ADRA1A: variants seen among roughly 807,000 people sequenced by gnomAD.
The protein encoded by ADRA1A is alpha-1A adrenergic receptor.
Under a neutral mutation model 29.6 loss-of-function variants are expected in ADRA1A, and 31 were observed. That is an observed-to-expected ratio of 1.05 (90% CI 0.79 to 1.41). The LOEUF (loss-of-function observed/expected upper bound fraction) is 1.41, where lower values mean the gene tolerates loss of function less well. Ranked by LOEUF, ADRA1A falls within the 40% of genes most tolerant of loss-of-function variation. The pLI, the probability that ADRA1A is intolerant of heterozygous loss-of-function variation, is 0.00. For synonymous variants in ADRA1A, 311 were observed against 254.3 expected (o/e 1.22, Z -2.12); for missense variants, 619 against 601.1 (o/e 1.03, Z -0.31).
intron 2 of ADRA1A, among the ~76,000 whole-genome samples, chr8:26,783,430 G>A (rs562274577): frequency 5.1e-4 from 77 of 152,264 alleles, no homozygotes; most frequent in Non-Finnish European, 5.7e-4. Flanking sequence ...GGGTTATAGT[G>A]GTTGAGATAT....
intron 2 of ADRA1A, among the ~76,000 whole-genome samples, chr8:26,780,167 C>T (rs28658238): frequency 0.14 from 20,902 of 152,128 alleles, 1,481 homozygotes; most frequent in Middle Eastern, 0.24. Flanking sequence ...TTCTTCATTC[C>T]TCATTCACTT....
rs1554512930 is a variant in ADRA1A, at chr8:26,854,432, G to GCGT, written c.883+9654_883+9655insACG. The GCGT allele has an allele frequency of 5.4e-4, 60 of 110,172 alleles. 2 individuals carry two copies. Among genetic ancestry groups the GCGT allele is most frequent in the African/African-American group, 2.1e-3 (59 of 28,268 alleles). The allele number at this position is 110,172 out of a possible 1,614,324, so 6.8% of individuals were successfully genotyped here. A position where few individuals can be genotyped will look rare whatever the true frequency, so the allele number is the denominator to read the frequency against. ...TGAAGTTAAAGCGGGGCGGGGGGGGGGAGCAGGCAGAGGTGCTTTCTCCCA... is the reference window on the plus strand; with the variant it reads ...TGAAGTTAAAGCGGGGCGGGGGGGGGCGTGAGCAGGCAGAGGTGCTTTCTCCCA... On this transcript the variant is annotated intron_variant, in intron 2 of 2. Transcript: ENST00000380573.
At chr8:26,779,227 C>A (rs1806773342) in intron 2 of ADRA1A, 2 of 685,846 alleles carry the variant, frequency 2.9e-6, no homozygotes, top group Non-Finnish European at 5.3e-6. Context: ...CAGTTCCTGC[C>A]AGAAGAATAT....
chr8:26,780,627 A>G (rs901961057), intron 2 of ADRA1A, among the ~76,000 whole-genome samples: 1 of 152,168 alleles, frequency 6.6e-6, no homozygotes, highest in African/African-American at 2.4e-5. Flanking sequence ...TCTTTATAGC[A>G]GGGAAACCCC....
rs938198660 is a variant in ADRA1A at position 26,806,411 on chromosome 8, A to G, written c.884-35745T>C. ...CTGTTAATAGTGGCCTTAGGTAAGG[A>G]AAAAAAAAGAGCATGATTCAAGTTT... On this transcript the variant is annotated intron_variant, in intron 2 of 2. Transcript: ENST00000380573. The surrounding 1 kb of genome is among the most constrained non-coding windows in gnomAD (Gnocchi z 4.6). 3.3e-5 allele frequency among the ~76,000 whole-genome samples: 5 copies of G among 151,172 alleles called. No individual in the cohort carries two copies. Among genetic ancestry groups the G allele is most frequent in the African/African-American group, 9.7e-5 (4 of 41,092 alleles).
Position 26,806,563 on chromosome 8 carries a change from G to A in ADRA1A, c.884-35897C>T, listed in dbSNP as rs554402850. The stretch of plus-strand genomic sequence containing the variant: ...AATCCAGATAGCAACTCATCACTAA[G>A]GAGGGCCACCATTAATTAGTGGGAA... On this transcript the variant is annotated intron_variant, in intron 2 of 2. Coordinates refer to ENST00000380573, the MANE Select transcript of ADRA1A (RefSeq NM_000680.4). This position sits in a 1 kb window ranked among gnomAD's most constrained non-coding sequence, Gnocchi z 4.6. Among the ~76,000 whole-genome samples the A allele has an allele frequency of 4.5e-4, 69 of 152,298 alleles. No individual in the cohort carries two copies. The highest frequency in any genetic ancestry group is 1.6e-3 in the African/African-American group (66 of 41,570).
chr8:26,858,912 C>G, intron 2 of ADRA1A: 1 of 443,340 alleles, frequency 2.3e-6, no homozygotes, highest in Middle Eastern at 3.9e-4. Context: ...TTCCTCCCAA[C>G]AGTCATGCTA....
At chr8:26,748,750 TAAAAA>T (rs35884587) in intron 2 of ADRA1A, 157 of 303,600 alleles carry the variant, frequency 5.2e-4, no homozygotes, top group East Asian at 1.1e-3. Flanking sequence ...AGACTTCGTC[TAAAAA>T]AAAAAAAAAA....
downstream of ADRA1A, among the ~76,000 whole-genome samples, chr8:26,752,303 G>A (rs1485302600): frequency 6.6e-6 from 1 of 152,208 alleles, no homozygotes; most frequent in Non-Finnish European, 1.5e-5. Flanking sequence ...ATAGTGGATT[G>A]GTTGGACCAG....
intron 2 of ADRA1A, among the ~76,000 whole-genome samples, chr8:26,820,253 C>A (rs191392072): frequency 1.3e-5 from 2 of 152,064 alleles, no homozygotes; most frequent in Non-Finnish European, 2.9e-5. Context: ...TGCTAACAGA[C>A]GTACAGAATA....
At chr8:26,842,131 T>C (rs907616353) in intron 2 of ADRA1A, among the ~76,000 whole-genome samples, 62 of 152,200 alleles carry the variant, frequency 4.1e-4, no homozygotes, top group Admixed American at 2.2e-3. Flanking sequence ...CAGAACATTC[T>C]GAGAGGATGG....
At chr8:26,855,116 AGGACACCAAG>A (rs949889505) in intron 2 of ADRA1A, among the ~76,000 whole-genome samples, 7 of 152,246 alleles carry the variant, frequency 4.6e-5, no homozygotes, top group Non-Finnish European at 8.8e-5. Flanking sequence ...TGAATGGACT[AGGACACCAAG>A]GCATCCAAGA....
At chr8:26,785,182 G>T (rs1443153913) in intron 2 of ADRA1A, among the ~76,000 whole-genome samples, 1 of 151,966 alleles carries the variant, frequency 6.6e-6, no homozygotes, top group Non-Finnish European at 1.5e-5. Context: ...ATTTTAAGGG[G>T]CATATATATA....
chr8:26,861,768 AACCT>A (rs557904160), intron 2 of ADRA1A, among the ~76,000 whole-genome samples: 2 of 152,046 alleles, frequency 1.3e-5, no homozygotes, highest in South Asian at 2.1e-4. Flanking sequence ...TCAGGCCCTA[AACCT>A]ACCTATTTCT....
chr8:26,785,442 C>T (rs950095402), intron 2 of ADRA1A, among the ~76,000 whole-genome samples: 8 of 152,168 alleles, frequency 5.3e-5, no homozygotes, highest in African/African-American at 1.9e-4. Flanking sequence ...CAGAAAAGAT[C>T]AGGAACTTGC....
exon 3 of ADRA1A, chr8:26,756,455 G>T: frequency 6.9e-7 from 1 of 1,449,542 alleles, no homozygotes; most frequent in Non-Finnish European, 9.1e-7. Context: ...AATGGGGGAG[G>T]GAGGTTGTAT....
At chr8:26,763,608 G>A (rs1805625491), downstream of ADRA1A, among the ~76,000 whole-genome samples, 1 of 84,456 alleles carries the variant, frequency 1.2e-5, no homozygotes, top group Non-Finnish European at 2.3e-5. The surrounding 1 kb of genome is among the most constrained non-coding windows in gnomAD (Gnocchi z 4.5). Flanking sequence ...GGTTAGCCAA[G>A]TGGAGTTGTG....
chr8:26,775,083 A>G lies in ADRA1A; in HGVS notation c.884-4417T>C, dbSNP rs1178572425. Reference sequence around the variant, plus strand: ...ACTCTGTGGGGAAGTCCATTCGAGCAGCCATCCGGCCGGCTTTGCTCACTC... The same window carrying G: ...ACTCTGTGGGGAAGTCCATTCGAGCGGCCATCCGGCCGGCTTTGCTCACTC... On this transcript the variant is annotated intron_variant, in intron 2 of 2. Coordinates refer to ENST00000380573, the MANE Select transcript of ADRA1A (RefSeq NM_000680.4). The surrounding 1 kb of genome is among the most constrained non-coding windows in gnomAD (Gnocchi z 4.1). Among the ~76,000 whole-genome samples the G allele has an allele frequency of 2.6e-5, 4 of 152,174 alleles. No individual in the cohort carries two copies. The highest frequency in any genetic ancestry group is 9.6e-5 in the African/African-American group (4 of 41,456).
At chr8:26,779,789 A>G (rs1356541358) in intron 2 of ADRA1A, among the ~76,000 whole-genome samples, 4 of 152,164 alleles carry the variant, frequency 2.6e-5, no homozygotes, top group Admixed American at 2.0e-4. Context: ...AATTAGCTCT[A>G]TTCCTGCTTG....
Sources: allele counts gnomAD v4.1 joint callset (sites outside exome capture counted in the v4.1 genomes callset), GRCh38; gene constraint gnomAD v4.1.1; non-coding constraint Gnocchi (gnomAD v3.1); transcripts MANE v1.5; gene names NCBI Gene and HGNC (gene_info 2026-07-23, HGNC 2026-07-21).